FBN1: variants seen among roughly 807,000 people sequenced by gnomAD.
FBN1 encodes the protein fibrillin-1.
A neutral mutation model predicts 365.1 loss-of-function variants in FBN1; 29 were observed. The ratio of observed to expected loss-of-function variants is 0.08; its 90% CI spans 0.06 to 0.11. The LOEUF (loss-of-function observed/expected upper bound fraction) is 0.11. Ranked by LOEUF, FBN1 falls within the 10% of genes least tolerant of loss-of-function variation. The pLI is 1.00. For synonymous variants in FBN1, 1,210 were observed against 1,270.5 expected (o/e 0.95, Z 1.01); for missense variants, 2,476 against 3,703.2 (o/e 0.67, Z 8.60).
chr15:48,437,981 A>G lies in FBN1; in HGVS notation c.6164-64T>C. ...TACTGAGTCCGTATTGCACCATAGCAAATAAAGAACAACCCACTATGTTAT... is the reference window on the plus strand; with the variant it reads ...TACTGAGTCCGTATTGCACCATAGCGAATAAAGAACAACCCACTATGTTAT... On this transcript the variant is annotated intron_variant, in intron 50 of 65. Coordinates refer to ENST00000316623, the MANE Select transcript of FBN1 (RefSeq NM_000138.5). 3 of 1,549,096 alleles carry G rather than the reference A, an allele frequency of 1.9e-6. No homozygotes were observed. In the Admixed American group the frequency reaches 5.0e-5, roughly 26 times the overall value.
chr15:48,551,890 CT>C (rs1480039214), intron 6 of FBN1, among the ~76,000 whole-genome samples: 1 of 152,156 alleles, frequency 6.6e-6, no homozygotes, highest in Non-Finnish European at 1.5e-5. Context: ...ACCACATTTT[CT>C]TTTTCCGGTC....
chr15:48,437,325 C>T lies in FBN1; in HGVS notation c.6376G>A (p.Val2126Ile), dbSNP rs2043081215. The T allele has an allele frequency of 6.2e-7, 1 of 1,612,980 alleles. No individual in the cohort carries two copies. The highest frequency in any genetic ancestry group is 1.3e-5 in the African/African-American group (1 of 74,892). ...GAATCCAGCACAGGCAACTGACCAA[C>T]TGCTGAATCATCAGGTCCCACGATG... ...GIIVGPDDSA[V>I]DMDECKEPDV... Residue 2126 changes from valine to isoleucine, a missense_variant, in exon 52 of 66, where the codon GTT (valine) becomes ATT (isoleucine). By Grantham distance (29) the Val-to-Ile change is conservative. Coordinates refer to ENST00000316623, the MANE Select transcript of FBN1 (RefSeq NM_000138.5).
At chr15:48,466,890 T>C (rs2043327469) in intron 38 of FBN1, among the ~76,000 whole-genome samples, 1 of 151,998 alleles carries the variant, frequency 6.6e-6, no homozygotes, top group Non-Finnish European at 1.5e-5. Context: ...GAAGGCTCAA[T>C]TAAAAAACAC....
Position 48,515,296 on chromosome 15 carries a change from G to A in FBN1, c.1468+91C>T, listed in dbSNP as rs940263123. 2.1e-5 allele frequency: 31 copies of A among 1,462,242 alleles called. No homozygotes were observed. In the African/African-American group the frequency reaches 3.6e-4, roughly 17 times the overall value. 90.6% of individuals were successfully genotyped at this position (1,462,242 alleles called of 1,614,324 possible). ...ATTGTATTAAGCCACCAAGTTTGGGGTAAGTTGTTACAGCAGCAATAGAAA... is the reference window on the plus strand; with the variant it reads ...ATTGTATTAAGCCACCAAGTTTGGGATAAGTTGTTACAGCAGCAATAGAAA... On this transcript the variant is annotated intron_variant, in intron 12 of 65. Transcript: ENST00000316623.
chr15:48,481,433 AC>A, intron 32 of FBN1, among the ~76,000 whole-genome samples: 1 of 152,308 alleles, frequency 6.6e-6, no homozygotes, highest in Admixed American at 6.5e-5. Context: ...TATTCAATAC[AC>A]CTTTTTCCCC....
chr15:48,460,338 TGGGA>T, intron 42 of FBN1, 21 bp from the exon 43 acceptor site: 1 of 1,548,544 alleles, frequency 6.5e-7, no homozygotes, highest in Non-Finnish European at 8.9e-7. Flanking sequence ...TAAACAAAGG[TGGGA>T]TGGGAGGATA....
Position 48,448,850 on chromosome 15 carries a change from C to G in FBN1, c.5589G>C (p.Gly1863=). 6.2e-7 allele frequency: 1 copy of G among 1,611,320 alleles called. No homozygotes were observed. The highest frequency in any genetic ancestry group is 2.2e-5 in the East Asian group (1 of 44,742). Reference sequence around the variant, plus strand: ...AGCTTCCAACTGTGTCAATGCACTGCCCATGACTGCATATATTGGGGATTT... The same window carrying G: ...AGCTTCCAACTGTGTCAATGCACTGGCCATGACTGCATATATTGGGGATTT... The part of the protein sequence containing the change: ...CQEIPNICSH[G]QCIDTVGSFY... Residue 1863 remains glycine, a synonymous_variant, in exon 46 of 66, where the codon GGG becomes GGC. Transcript: ENST00000316623.
Position 48,470,617 on chromosome 15 carries a change from G to C in FBN1, c.4459+17C>G, listed in dbSNP as rs199810019. The C allele has an allele frequency of 6.2e-7, 1 of 1,613,690 alleles. No individual in the cohort carries two copies. Among genetic ancestry groups the C allele is most frequent in the Admixed American group, 1.7e-5 (1 of 60,000 alleles). ...GGGACACCAGGGAGCTGATTTTGAT[G>C]CCAGTGGAGGTCTTACCTGTGCAGT... On this transcript the variant is annotated intron_variant, in intron 36 of 65. Transcript: ENST00000316623.
chr15:48,600,724 T>G (rs1472387161), intron 4 of FBN1, among the ~76,000 whole-genome samples: 1 of 152,104 alleles, frequency 6.6e-6, no homozygotes, highest in Non-Finnish European at 1.5e-5. Context: ...TCATTTACCA[T>G]GCAATGCAAT....
chr15:48,412,417 T>TGTGGGG, intron 65 of FBN1, 152 bp downstream of exon 65: 1 of 828,068 alleles, frequency 1.2e-6, no homozygotes, highest in Non-Finnish European at 2.0e-6. Context: ...CCCCACAGCC[T>TGTGGGG]CTTGTAAAAT....
chr15:48,526,112 G>A lies in FBN1; in HGVS notation c.988+18C>T. 6.2e-7 allele frequency: 1 copy of A among 1,613,970 alleles called. No homozygotes were observed. The highest frequency in any genetic ancestry group is 1.1e-5 in the South Asian group (1 of 91,084). ...CTGACTTACACAAACCATGCATGCT[G>A]TTTGTCATTAAACCTACCTATGCAT... On this transcript the variant is annotated intron_variant, in intron 9 of 65. Transcript: ENST00000316623.
At chr15:48,492,333 A>T in intron 24 of FBN1, 128 bp downstream of exon 24, 1 of 872,466 alleles carries the variant, frequency 1.1e-6, no homozygotes, top group Non-Finnish European at 1.9e-6. Context: ...CATGGACCCT[A>T]TCGGACATGC....
intron 53 of FBN1, 67 bp downstream of exon 53, chr15:48,436,894 A>T: frequency 1.0e-6 from 1 of 960,154 alleles, no homozygotes; most frequent in Non-Finnish European, 1.7e-6. Context: ...TCATGGCTAT[A>T]CAGTGAATAC....
intron 9 of FBN1, among the ~76,000 whole-genome samples, chr15:48,523,000 C>T (rs993453443): frequency 6.6e-6 from 1 of 152,170 alleles, no homozygotes; most frequent in Non-Finnish European, 1.5e-5. Context: ...TGTGAAGCCT[C>T]AGGTGGTACC....
At chr15:48,556,739 T>A (rs2044184127) in intron 6 of FBN1, among the ~76,000 whole-genome samples, 1 of 152,180 alleles carries the variant, frequency 6.6e-6, no homozygotes, top group African/African-American at 2.4e-5. Flanking sequence ...TAGCCCTGTG[T>A]CATTGTTTAA....
chr15:48,523,671 T>G (rs1380277979), intron 9 of FBN1, among the ~76,000 whole-genome samples: 2 of 150,572 alleles, frequency 1.3e-5, no homozygotes, highest in Non-Finnish European at 2.9e-5. Flanking sequence ...GCCTGAAGTT[T>G]TTCACTTCGT....
intron 30 of FBN1, among the ~76,000 whole-genome samples, chr15:48,485,162 G>T (rs2043494674): frequency 6.6e-6 from 1 of 152,172 alleles, no homozygotes; most frequent in African/African-American, 2.4e-5. Context: ...AGGTACTATG[G>T]TAAGCTCTGT....
chr15:48,436,854 CTT>C, intron 53 of FBN1, 105 bp downstream of exon 53: 1 of 802,976 alleles, frequency 1.2e-6, no homozygotes, highest in Non-Finnish European at 2.3e-6. Context: ...ATGGATAAAA[CTT>C]ATTTCAGTGC....
intron 2 of FBN1, chr15:48,642,838 T>A (rs997734095): frequency 6.6e-6 from 1 of 152,326 alleles, no homozygotes; most frequent in South Asian, 2.1e-4. Context: ...AATGATCAAA[T>A]ACTGTGAGGA....
Sources: allele counts gnomAD v4.1 joint callset (sites outside exome capture counted in the v4.1 genomes callset), GRCh38; gene constraint gnomAD v4.1.1; transcripts MANE v1.5; gene names NCBI Gene and HGNC (gene_info 2026-07-23, HGNC 2026-07-21).